The following RIBC2 variants were observed in gnomAD, a reference collection of about 807,000 sequenced individuals.
RIBC2 encodes RIB43A-like with coiled-coils protein 2.
In RIBC2, 40 loss-of-function variants were observed where a neutral mutation model predicts 44.3. That is an observed-to-expected ratio of 0.90 (90% CI 0.70 to 1.18). The LOEUF (loss-of-function observed/expected upper bound fraction) is 1.18, where lower values mean the gene tolerates loss of function less well. Ranked by LOEUF, RIBC2 falls within the 50% of genes most tolerant of loss-of-function variation. The probability of loss-of-function intolerance (pLI) is 0.00; values close to 1 mark genes in which losing one functional copy is unlikely to be tolerated. For synonymous variants in RIBC2, 171 were observed against 175.0 expected, an observed-to-expected ratio of 0.98 and a Z score of 0.18; for missense variants, 459 against 485.5, an observed-to-expected ratio of 0.95 and a Z score of 0.51.
chr22:45,417,709 C>T lies in RIBC2; in HGVS notation c.319C>T (p.Gln107Ter), dbSNP rs1448431405. The T allele has an allele frequency of 6.2e-6, 10 of 1,614,018 alleles. No individual in the cohort carries two copies. The highest frequency in any genetic ancestry group is 2.7e-5 in the African/African-American group (2 of 74,906). Residue 107 changes from glutamine (Q) to a stop codon, truncating the protein, a stop_gained, in exon 3 of 7, where the codon CAG becomes TAG. Transcript: ENST00000614167. LOFTEE classifies it high-confidence loss of function. ...TATCAATGACTTCCAACAGAGCTTTCAGAAGCCAGAAACTCGCCGTGAATT... is the reference window on the plus strand; with the variant it reads ...TATCAATGACTTCCAACAGAGCTTTTAGAAGCCAGAAACTCGCCGTGAATT... ...RAINDFQQSF[Q>*]KPETRREFDL...
At position 45,413,861 on chromosome 22, in the gene RIBC2, T is replaced by A; in HGVS notation, c.-26T>A. 1 of 1,532,594 alleles carries A rather than the reference T, an allele frequency of 6.5e-7. No individual in the cohort carries two copies. Among genetic ancestry groups the A allele is most frequent in the South Asian group, 1.2e-5 (1 of 82,860 alleles). The allele number at this position is 1,532,594 out of a possible 1,614,324, so 94.9% of individuals were successfully genotyped here. ...CGTCGCCTGTTCTCCTGATCCTGCG[T>A]GTTCTAAAAACCCCTTAGGCTTTCC... On this transcript the variant is annotated 5_prime_UTR_variant, in exon 1 of 7. Coordinates refer to ENST00000614167, the MANE Select transcript of RIBC2 (RefSeq NM_015653.5).
intron 5 of RIBC2, among the ~76,000 whole-genome samples, chr22:45,429,051 C>T (rs1401441734): frequency 1.3e-5 from 2 of 152,000 alleles, no homozygotes; most frequent in Non-Finnish European, 2.9e-5. Flanking sequence ...TCACACTTTG[C>T]GGGGGGCATA....
chr22:45,425,215 G>A (rs2087523405), intron 4 of RIBC2, among the ~76,000 whole-genome samples: 1 of 152,178 alleles, frequency 6.6e-6, no homozygotes, highest in South Asian at 2.1e-4. Flanking sequence ...GGCAAGTCCG[G>A]TATTGAAGTT....
At chr22:45,421,002 G>A (rs903988974) in intron 3 of RIBC2, among the ~76,000 whole-genome samples, 3 of 152,124 alleles carry the variant, frequency 2.0e-5, no homozygotes, top group Non-Finnish European at 4.4e-5. Flanking sequence ...TTTGAGACCA[G>A]CCTGGCCAAC....
chr22:45,431,688 G>A (rs1202390372), intron 6 of RIBC2, among the ~76,000 whole-genome samples: 1 of 152,156 alleles, frequency 6.6e-6, no homozygotes, highest in Middle Eastern at 3.2e-3. Context: ...GTGATCTGAG[G>A]GCTGGGCTCG....
At chr22:45,424,343 T>C (rs2087513606) in intron 4 of RIBC2, among the ~76,000 whole-genome samples, 1 of 152,036 alleles carries the variant, frequency 6.6e-6, no homozygotes, top group South Asian at 2.1e-4. Context: ...CAGAGAGGCA[T>C]TGTGGCATCA....
intron 3 of RIBC2, among the ~76,000 whole-genome samples, chr22:45,421,965 T>G (rs1046576586): frequency 3.9e-5 from 6 of 152,110 alleles, no homozygotes; most frequent in Non-Finnish European, 8.8e-5. Context: ...CCAACCCACT[T>G]CTTTTGTCCT....
intron 3 of RIBC2, 120 bp from the exon 4 acceptor site, chr22:45,422,170 A>G: frequency 1.4e-6 from 1 of 718,726 alleles, no homozygotes; most frequent in Non-Finnish European, 2.5e-6. Flanking sequence ...TCCTGTCATT[A>G]TTGTTCCCGT....
rs1219920038 is a variant in RIBC2 at position 45,417,983 on chromosome 22, C to G, written c.556+37C>G. On this transcript the variant is annotated intron_variant, in intron 3 of 6. Transcript: ENST00000614167. ...GAAGAGACGAGCTGGTCTCAACGCTCTCTTCAACAAACCAACCCTACAGTT... is the reference window on the plus strand; with the variant it reads ...GAAGAGACGAGCTGGTCTCAACGCTGTCTTCAACAAACCAACCCTACAGTT... 6.7e-6 allele frequency: 9 copies of G among 1,342,558 alleles called. No homozygotes were observed. In the South Asian group the frequency reaches 1.2e-4, roughly 18 times the overall value. The allele number at this position is 1,342,558 out of a possible 1,614,324, so 83.2% of individuals were successfully genotyped here.
chr22:45,426,389 T>C (rs1471319191), intron 5 of RIBC2, among the ~76,000 whole-genome samples: 1 of 151,990 alleles, frequency 6.6e-6, no homozygotes, highest in Admixed American at 6.5e-5. Context: ...TAGAGGACAG[T>C]AGAATGGGAA....
intron 5 of RIBC2, among the ~76,000 whole-genome samples, chr22:45,426,649 G>T (rs1415137727): frequency 6.6e-6 from 1 of 152,222 alleles, no homozygotes; most frequent in Non-Finnish European, 1.5e-5. Context: ...TTCTGTGACG[G>T]AGACGGGGAA....
chr22:45,428,393 A>G (rs561491285), intron 5 of RIBC2, among the ~76,000 whole-genome samples: 1 of 152,208 alleles, frequency 6.6e-6, no homozygotes, highest in Non-Finnish European at 1.5e-5. Flanking sequence ...TCTTGATTGT[A>G]GAAATAACAG....
At chr22:45,421,556 A>T (rs868567740) in intron 3 of RIBC2, among the ~76,000 whole-genome samples, 1 of 34,138 alleles carries the variant, frequency 2.9e-5, no homozygotes, top group African/African-American at 3.7e-4. Context: ...AATAATAATA[A>T]TAGTATTATT....
At position 45,413,906 on chromosome 22, in the gene RIBC2, C is replaced by T; in HGVS notation, c.20C>T (p.Ala7Val). ...CTTTCCATGGGTTCCCAGACCATGG[C>T]GGTGGCGCTGCCCAGGGACTTGCGG... The part of the protein sequence containing the change: MGSQTM[A>V]VALPRDLRQD... The change falls in exon 1 of 7, where the codon GCG becomes GTG. Residue 7 changes from alanine to valine, a missense_variant. Coordinates refer to ENST00000614167, the MANE Select transcript of RIBC2 (RefSeq NM_015653.5). 1 of 1,551,410 alleles carries T rather than the reference C, an allele frequency of 6.4e-7. No homozygotes were observed. The highest frequency in any genetic ancestry group is 8.7e-7 in the Non-Finnish European group (1 of 1,146,794).
chr22:45,414,571 T>G (rs1317720211), intron 2 of RIBC2, among the ~76,000 whole-genome samples, 168 bp downstream of exon 2: 1 of 151,802 alleles, frequency 6.6e-6, no homozygotes, highest in African/African-American at 2.4e-5. Context: ...AACTCCTGCG[T>G]GCAAGTGATC....
chr22:45,413,981 A>C lies in RIBC2; in HGVS notation c.95A>C (p.Lys32Thr). The C allele has an allele frequency of 6.4e-7, 1 of 1,551,694 alleles. No homozygotes were observed. Among genetic ancestry groups the C allele is most frequent in the Non-Finnish European group, 8.7e-7 (1 of 1,146,976 alleles). ...KRRHAELCRQ[K>T]RVFNARNRII... ...AGGCACGCGGAGCTGTGCAGGCAGA[A>C]GCGGGTCTTCAACGCCAGAAACAGG... The change falls in exon 1 of 7, where the codon AAG (lysine) becomes ACG (threonine). Residue 32 changes from lysine (K) to threonine (T), a missense_variant. Physicochemically the swap from Lys to Thr is moderately conservative, Grantham distance 78. Transcript: ENST00000614167.
chr22:45,429,720 G>C (rs2087562589), intron 5 of RIBC2, among the ~76,000 whole-genome samples: 2 of 152,196 alleles, frequency 1.3e-5, no homozygotes, highest in African/African-American at 4.8e-5. Flanking sequence ...TGTGCTTCAG[G>C]ACTGCCGCTC....
At chr22:45,418,669 A>AC (rs2146876426) in intron 3 of RIBC2, among the ~76,000 whole-genome samples, 2 of 152,202 alleles carry the variant, frequency 1.3e-5, no homozygotes, top group Non-Finnish European at 2.9e-5. Flanking sequence ...GGAAGACAAA[A>AC]CAGGGACCAG....
Position 45,421,514 on chromosome 22 carries a change from T to A in RIBC2, c.557-776T>A, listed in dbSNP as rs1407949825. 3.0e-3 allele frequency among the ~76,000 whole-genome samples: 190 copies of A among 62,860 alleles called. 5 individuals are homozygous for A. The highest frequency in any genetic ancestry group is 4.2e-3 in the Non-Finnish European group (152 of 36,180). 41.2% of individuals were successfully genotyped at this position (62,860 alleles called of 152,430 possible). A position where few individuals can be genotyped will look rare whatever the true frequency, so the allele number is the denominator to read the frequency against. On this transcript the variant is annotated intron_variant, in intron 3 of 6. Coordinates refer to ENST00000614167, the MANE Select transcript of RIBC2 (RefSeq NM_015653.5). ...ATTATTATTATTAATAATAGTATTA[T>A]TAATAATAATAATAGTATTATTAAT...
Sources: gnomAD v4.1 joint callset for allele counts (sites outside exome capture counted in the v4.1 genomes callset) on GRCh38, gnomAD v4.1.1 for gene constraint, MANE v1.5 for transcripts, NCBI Gene and HGNC (gene_info 2026-07-23, HGNC 2026-07-21) for gene names.